CABIN1: variants seen among roughly 807,000 people sequenced by gnomAD.
CABIN1 encodes calcineurin-binding protein cabin-1.
Under a neutral mutation model 227.7 loss-of-function variants are expected in CABIN1, and 133 were observed. The observed-to-expected ratio is 0.58, with a 90% CI of 0.51 to 0.67. The LOEUF is 0.67. Ranked by LOEUF, CABIN1 falls within the 30% of genes least tolerant of loss-of-function variation. The probability of loss-of-function intolerance (pLI) is 0.00; values close to 1 mark genes in which losing one functional copy is unlikely to be tolerated. For synonymous variants in CABIN1, 1,086 were observed against 1,155.1 expected (o/e 0.94, Z 1.21); for missense variants, 2,408 against 2,852.5 (o/e 0.84, Z 3.55).
intron 1 of CABIN1, among the ~76,000 whole-genome samples, chr22:24,016,711 G>A (rs1396853967): frequency 1.3e-5 from 2 of 152,176 alleles, no homozygotes. Flanking sequence ...AGTTTTCTCA[G>A]ATATAGTCAA....
chr22:24,164,257 A>G (rs1329819119), intron 29 of CABIN1, 143 bp from the exon 30 acceptor site: 3 of 958,714 alleles, frequency 3.1e-6, no homozygotes, highest in African/African-American at 1.6e-5. Flanking sequence ...TCTCCTTGGG[A>G]CAGTGAGAGG....
chr22:24,088,502 G>A (rs1364111284), intron 23 of CABIN1, among the ~76,000 whole-genome samples: 1 of 152,100 alleles, frequency 6.6e-6, no homozygotes, highest in Non-Finnish European at 1.5e-5. Context: ...CAGCTCCTCG[G>A]GAGGCTGAGG....
Position 24,164,397 on chromosome 22 carries a change from C to T in CABIN1, c.4747-3C>T. On this transcript the variant is annotated splice_polypyrimidine_tract_variant and splice_region_variant and intron_variant, in intron 29 of 36. Coordinates refer to ENST00000263119, the MANE Select transcript of CABIN1 (RefSeq NM_012295.4). ...TCACACACCTGTGCCATCCATCCCA[C>T]AGGGCATCTGGCGGATCCCCGTGGA... The T allele has an allele frequency of 1.9e-6, 3 of 1,602,448 alleles. No individual in the cohort carries two copies. The highest frequency in any genetic ancestry group is 2.5e-6 in the Non-Finnish European group (3 of 1,179,952).
chr22:24,065,470 T>A (rs2039569698), intron 15 of CABIN1, among the ~76,000 whole-genome samples: 1 of 147,318 alleles, frequency 6.8e-6, no homozygotes. Context: ...AGACGCTCCT[T>A]ACTTCCTAGA....
At chr22:24,032,041 G>T (rs1220939258) in intron 1 of CABIN1, among the ~76,000 whole-genome samples, 2 of 152,130 alleles carry the variant, frequency 1.3e-5, no homozygotes, top group African/African-American at 4.8e-5. Flanking sequence ...CAGCTCAGTG[G>T]CATTATGTAC....
In CABIN1 at chr22:24,067,054, C is replaced by T; in HGVS notation, c.2105C>T (p.Ala702Val). The T allele has an allele frequency of 6.2e-7, 1 of 1,614,208 alleles. No individual in the cohort carries two copies. Among genetic ancestry groups the T allele is most frequent in the Non-Finnish European group, 8.5e-7 (1 of 1,180,044 alleles). Residue 702 changes from alanine to valine, a missense_variant, in exon 16 of 37, where the codon GCA becomes GTA. Physicochemically the swap from Ala to Val is moderately conservative, Grantham distance 64. This residue lies in a region of CABIN1 where 1,045 missense variants were observed against 1,168.4 expected (regional missense o/e 0.89). Transcript: ENST00000263119. ...SLEEIQRLYE[A>V]GDYKAVVHLL... ...GAGGAGATTCAGCGGCTGTATGAAG[C>T]AGGCGACTACAAGGCTGTTGTGCAT...
At chr22:24,059,808 C>T (rs933307043) in intron 11 of CABIN1, 116 bp from the exon 12 acceptor site, 27 of 916,242 alleles carry the variant, frequency 2.9e-5, no homozygotes, top group Non-Finnish European at 1.8e-6. Flanking sequence ...GTATCATGTC[C>T]ACCTGGATCA....
rs2040932075 is a variant in CABIN1 at position 24,083,261 on chromosome 22, A to G, written c.2782A>G (p.Thr928Ala). 6.2e-7 allele frequency: 1 copy of G among 1,612,932 alleles called. No homozygotes were observed. The highest frequency in any genetic ancestry group is 8.5e-7 in the Non-Finnish European group (1 of 1,180,036). Residue 928 changes from threonine (T) to alanine (A), a missense_variant, in exon 20 of 37, where the codon ACC becomes GCC. Thr to Ala is a moderately conservative substitution (Grantham distance 58). Around this residue, in one of 3 missense-constraint regions of CABIN1, gnomAD observed 1,045 missense variants for 1,168.4 expected, o/e 0.89. Transcript: ENST00000263119. The stretch of plus-strand genomic sequence containing the variant: ...ACTCCAGAAGGAACTGGCTGCATCC[A>G]CCTCTGAAGACACGCACCCTTACAA... ...RVLQKELAAS[T>A]SEDTHPYKEE...
rs200973010 is a variant in CABIN1 at position 24,066,987 on chromosome 22, A to G, written c.2038A>G (p.Ile680Val). The change falls in exon 16 of 37, where the codon ATT (isoleucine) becomes GTT (valine). Residue 680 changes from isoleucine to valine, a missense_variant and splice_region_variant. Physicochemically the swap from Ile to Val is conservative, Grantham distance 29. Coordinates refer to ENST00000263119, the MANE Select transcript of CABIN1 (RefSeq NM_012295.4). The stretch of plus-strand genomic sequence containing the variant: ...TACAGCATTGCCGGGCCTTTTTCAG[A>G]TTGATAAGAACCTGAAGTCGCTGGA... The part of the protein sequence containing the change: ...HNDSVVSLEE[I>V]DKNLKSLERC... 10 of 1,613,992 alleles carry G rather than the reference A, an allele frequency of 6.2e-6. No homozygotes were observed. Among genetic ancestry groups the G allele is most frequent in the Middle Eastern group, 1.6e-4 (1 of 6,082 alleles).
intron 13 of CABIN1, among the ~76,000 whole-genome samples, chr22:24,062,419 A>G (rs1415094822): frequency 1.5e-5 from 2 of 132,212 alleles, no homozygotes; most frequent in East Asian, 2.2e-4. Flanking sequence ...GTGCAGTGGC[A>G]TGATCTTGGC....
intron 25 of CABIN1, among the ~76,000 whole-genome samples, 193 bp from the exon 26 acceptor site, chr22:24,097,821 G>C (rs942771414): frequency 4.6e-5 from 7 of 152,232 alleles, no homozygotes; most frequent in African/African-American, 1.7e-4. Flanking sequence ...GCAGTGTCCA[G>C]TTAGGAGCCA....
intron 29 of CABIN1, among the ~76,000 whole-genome samples, chr22:24,157,305 C>T (rs1418233051): frequency 1.3e-5 from 2 of 152,172 alleles, no homozygotes; most frequent in African/African-American, 4.8e-5. Context: ...AGATAGGGAG[C>T]TGCTGGTCTG....
At chr22:24,175,627 C>T (rs942704611) in intron 34 of CABIN1, among the ~76,000 whole-genome samples, 1 of 152,234 alleles carries the variant, frequency 6.6e-6, no homozygotes, top group African/African-American at 2.4e-5. Flanking sequence ...AATTCCTGGC[C>T]CCTGCCTCAG....
chr22:24,119,791 T>C (rs1463488947), intron 28 of CABIN1, 93 bp downstream of exon 28: 10 of 1,214,182 alleles, frequency 8.2e-6, no homozygotes, highest in Admixed American at 3.4e-5. Context: ...AGATTGGAGC[T>C]TCACGGTAGC....
intron 25 of CABIN1, among the ~76,000 whole-genome samples, chr22:24,096,457 G>A (rs1250891517): frequency 6.6e-6 from 1 of 152,200 alleles, no homozygotes; most frequent in African/African-American, 2.4e-5. Flanking sequence ...CCTTTGCCAA[G>A]GCCTTGTCTG....
Position 24,059,994 on chromosome 22 carries a change from CTA to C in CABIN1, c.1471_1472del (p.Tyr491ProfsTer92). ...NGGILELMMR[Y>X]LKAMGHKFLV... ...GGGGCATCCTGGAGCTGATGATGCG[CTA>C]CCTGAAAGCCATGGGCCACAAGTTC... On this transcript the variant is annotated frameshift_variant, in exon 12 of 37. Coordinates refer to ENST00000263119, the MANE Select transcript of CABIN1 (RefSeq NM_012295.4). LOFTEE classifies it high-confidence loss of function. 6.2e-7 allele frequency: 1 copy of C among 1,614,232 alleles called. No homozygotes were observed. The highest frequency in any genetic ancestry group is 8.5e-7 in the Non-Finnish European group (1 of 1,180,036).
chr22:24,091,945 C>A (rs2041572402), intron 24 of CABIN1, 102 bp downstream of exon 24: 8 of 1,450,196 alleles, frequency 5.5e-6, no homozygotes, highest in Non-Finnish European at 7.6e-6. Flanking sequence ...CGTCCTTCAA[C>A]CTGCCGCAAA....
rs750407240 is a variant in CABIN1, at chr22:24,166,978, C to T, written c.5347C>T (p.Arg1783Cys). Reference protein sequence around the residue: ...LERTPPLLPGRPARDRGPESR... With the variant: ...LERTPPLLPGCPARDRGPESR... Reference sequence around the variant, plus strand: ...GCGGACACCACCCCTGCTGCCAGGTCGCCCCGCAAGGGACCGGGGCCCCGA... The same window carrying T: ...GCGGACACCACCCCTGCTGCCAGGTTGCCCCGCAAGGGACCGGGGCCCCGA... Residue 1783 changes from arginine to cysteine, a missense_variant, in exon 32 of 37, where the codon CGC becomes TGC. Coordinates refer to ENST00000263119, the MANE Select transcript of CABIN1 (RefSeq NM_012295.4). 34 of 1,582,114 alleles carry T rather than the reference C, an allele frequency of 2.1e-5. 1 individual carries two copies. The Admixed American group carries it at 2.9e-4, about 14-fold the overall frequency.
In CABIN1 at chr22:24,022,083, AT is replaced by A. The variant is rs984064864; in HGVS notation, c.-75+10724del. On this transcript the variant is annotated intron_variant, in intron 1 of 36. Coordinates refer to ENST00000263119, the MANE Select transcript of CABIN1 (RefSeq NM_012295.4). Reference sequence around the variant, plus strand: ...CTACTTTGATGTCTATCCCTGTGCTATTTTTTTTAACAAATTGTATTTCCTT... The same window carrying A: ...CTACTTTGATGTCTATCCCTGTGCTATTTTTTTAACAAATTGTATTTCCTT... Among the ~76,000 whole-genome samples, 19 of 151,920 alleles carry A rather than the reference AT, an allele frequency of 1.3e-4. No homozygotes were observed. In the East Asian group the frequency reaches 3.7e-3, roughly 29 times the overall value.
Sources: gnomAD v4.1 joint callset for allele counts (sites outside exome capture counted in the v4.1 genomes callset) on GRCh38, gnomAD v4.1.1 for gene constraint, gnomAD v4.1.1 regional missense constraint, MANE v1.5 for transcripts, NCBI Gene and HGNC (gene_info 2026-07-23, HGNC 2026-07-21) for gene names.